The following BRI3BP variants were observed in gnomAD, a reference collection of about 807,000 sequenced individuals.
BRI3BP encodes the protein BRI3-binding protein.
A neutral mutation model predicts 15.8 loss-of-function variants in BRI3BP; 7 were observed. That is an observed-to-expected ratio of 0.44 (90% confidence interval 0.25 to 0.83). The LOEUF (loss-of-function observed/expected upper bound fraction) is 0.83. Among genes scored for constraint, BRI3BP ranks in the 40% least tolerant of loss-of-function variants. BRI3BP has a pLI of 0.20. For missense variants in BRI3BP, 320 were observed against 339.3 expected (o/e 0.94, Z 0.45); for synonymous variants, 192 against 163.5 (o/e 1.17, Z -1.33).
chr12:125,042,501 G>A, the BRI3BP span, among the ~76,000 whole-genome samples: 1 of 150,560 alleles, frequency 6.6e-6, no homozygotes, highest in Non-Finnish European at 1.5e-5. Context: ...TTTGAAATGG[G>A]ATTTTGCTGT....
At chr12:124,999,705 C>T (rs1434638512) in intron 1 of BRI3BP, among the ~76,000 whole-genome samples, 1 of 150,562 alleles carries the variant, frequency 6.6e-6, no homozygotes, top group Non-Finnish European at 1.5e-5. Flanking sequence ...GCAAGCTCCA[C>T]CTCCTGGGTT....
Position 124,993,943 on chromosome 12 carries a change from C to T in BRI3BP, c.153C>T (p.Asn51=). ...AEKNSYRRTV[N]TFSQSVSSLF... is the part of the protein sequence containing the mutation. ...AGAACAGCTACCGCCGCACGGTCAACACCTTCTCCCAGAGCGTCAGCAGCC... is the reference window on the plus strand; with the variant it reads ...AGAACAGCTACCGCCGCACGGTCAATACCTTCTCCCAGAGCGTCAGCAGCC... The change falls in exon 1 of 3, where the codon AAC becomes AAT. Residue 51 remains asparagine (N), a synonymous_variant. Transcript: ENST00000341446. 1 of 1,366,902 alleles carries T rather than the reference C, an allele frequency of 7.3e-7. No homozygotes were observed. Among genetic ancestry groups the T allele is most frequent in the Non-Finnish European group, 9.6e-7 (1 of 1,047,032 alleles). 84.7% of individuals were successfully genotyped at this position (1,366,902 alleles called of 1,614,324 possible).
At chr12:125,003,493 C>T (rs531803221) in intron 1 of BRI3BP, among the ~76,000 whole-genome samples, 36 of 152,262 alleles carry the variant, frequency 2.4e-4, no homozygotes, top group Non-Finnish European at 4.7e-4. Flanking sequence ...CCCTTGTTCA[C>T]CCAGGTCTTC....
downstream of BRI3BP, among the ~76,000 whole-genome samples, chr12:125,031,638 G>A (rs1432823222): frequency 1.4e-5 from 2 of 140,180 alleles, no homozygotes; most frequent in Admixed American, 7.6e-5. Context: ...GTGCAGTGGC[G>A]AGATCTCAGC....
At chr12:125,043,590 G>A in the BRI3BP span, among the ~76,000 whole-genome samples, 2 of 151,682 alleles carry the variant, frequency 1.3e-5, no homozygotes, top group Non-Finnish European at 2.9e-5. Context: ...GGGTGTGGTG[G>A]CGCACCCTGT....
At chr12:124,994,440 C>T (rs1339379533) in intron 1 of BRI3BP, among the ~76,000 whole-genome samples, 1 of 152,188 alleles carries the variant, frequency 6.6e-6, no homozygotes, top group African/African-American at 2.4e-5. Context: ...GACCCACTTC[C>T]CCTGGGACCT....
chr12:125,049,727 G>A, the BRI3BP span, among the ~76,000 whole-genome samples: 1 of 152,244 alleles, frequency 6.6e-6, no homozygotes, highest in South Asian at 2.1e-4. Context: ...GCGATTGGTT[G>A]GCGCTCAGGC....
chr12:125,022,565 T>C (rs1468387243), intron 2 of BRI3BP, among the ~76,000 whole-genome samples: 1 of 140,884 alleles, frequency 7.1e-6, no homozygotes, highest in Non-Finnish European at 1.6e-5. Flanking sequence ...AGCCTCACTG[T>C]GTCTCAGGTT....
intron 1 of BRI3BP, among the ~76,000 whole-genome samples, chr12:124,998,622 G>A (rs188810232): frequency 1.8e-3 from 277 of 152,184 alleles, no homozygotes; most frequent in Non-Finnish European, 2.7e-3. Flanking sequence ...AGCAATGGGG[G>A]AATTACTGCT....
intron 1 of BRI3BP, among the ~76,000 whole-genome samples, chr12:125,000,149 C>G (rs1349491874): frequency 7.3e-6 from 1 of 137,066 alleles, no homozygotes; most frequent in Non-Finnish European, 1.5e-5. Context: ...AACTTTGACA[C>G]TTTCCAGTCC....
chr12:125,014,192 G>A (rs931307188), intron 2 of BRI3BP, among the ~76,000 whole-genome samples: 17 of 152,220 alleles, frequency 1.1e-4, no homozygotes, highest in African/African-American at 3.6e-4. Context: ...AGCTGCCCCC[G>A]CTCCACTGCT....
At chr12:125,039,428 T>C in the BRI3BP span, among the ~76,000 whole-genome samples, 1 of 152,212 alleles carries the variant, frequency 6.6e-6, no homozygotes, top group South Asian at 2.1e-4. Context: ...TGAGTTGCCC[T>C]ATGCAAAGAG....
rs1204736494 is a variant in BRI3BP at position 125,028,547 on chromosome 12, G to A, written c.*3117G>A. On this transcript the variant is annotated 3_prime_UTR_variant, in exon 3 of 3. Transcript: ENST00000341446. ...TGTAGGCTCTGAAGCCAGTTTTATA[G>A]CTTGATACATTCTGGTGAAAGATGT... The A allele has an allele frequency of 6.6e-6, 1 of 151,842 alleles. No homozygotes were observed. The highest frequency in any genetic ancestry group is 1.5e-5 in the Non-Finnish European group (1 of 67,946). 9.4% of individuals were successfully genotyped at this position (151,842 alleles called of 1,614,324 possible). A position where few individuals can be genotyped will look rare whatever the true frequency, so the allele number is the denominator to read the frequency against.
At chr12:125,034,259 T>C (rs1955426958), downstream of BRI3BP, among the ~76,000 whole-genome samples, 1 of 151,816 alleles carries the variant, frequency 6.6e-6, no homozygotes, top group Non-Finnish European at 1.5e-5. Flanking sequence ...TTGGTCAGGC[T>C]GTTCTCGAAC....
Position 124,993,651 on chromosome 12 carries a change from G to T in BRI3BP, c.-140G>T, listed in dbSNP as rs1162098420. ...TTGCGCGCGGGGCGGGGCAGGTGGCGCAGCAGCGGCGGCGGCGGCTGTGGG... is the reference window on the plus strand; with the variant it reads ...TTGCGCGCGGGGCGGGGCAGGTGGCTCAGCAGCGGCGGCGGCGGCTGTGGG... On this transcript the variant is annotated 5_prime_UTR_variant, in exon 1 of 3. Transcript: ENST00000341446. The T allele has an allele frequency of 3.0e-6, 1 of 334,116 alleles. No homozygotes were observed. Among genetic ancestry groups the T allele is most frequent in the Non-Finnish European group, 4.2e-6 (1 of 237,118 alleles). The allele number at this position is 334,116 out of a possible 1,614,324, so 20.7% of individuals were successfully genotyped here.
intron 1 of BRI3BP, among the ~76,000 whole-genome samples, chr12:124,999,419 G>T (rs919734037): frequency 6.6e-6 from 1 of 151,830 alleles, no homozygotes; most frequent in Non-Finnish European, 1.5e-5. Flanking sequence ...GCACTGTTTT[G>T]TATTTTTATT....
chr12:124,998,514 A>G (rs1955058391), intron 1 of BRI3BP, among the ~76,000 whole-genome samples: 1 of 152,198 alleles, frequency 6.6e-6, no homozygotes, highest in Non-Finnish European at 1.5e-5. Context: ...GAAAGGGCAC[A>G]CATTATATGA....
the BRI3BP span, among the ~76,000 whole-genome samples, chr12:125,050,843 AAG>A: frequency 6.6e-6 from 1 of 152,088 alleles, no homozygotes; most frequent in African/African-American, 2.4e-5. Context: ...TAGTATAAAA[AAG>A]GTAAGGGACA....
chr12:125,000,441 G>A (rs914672307), intron 1 of BRI3BP, among the ~76,000 whole-genome samples: 2 of 148,946 alleles, frequency 1.3e-5, no homozygotes, highest in African/African-American at 2.5e-5. Flanking sequence ...AGCCTCCCGA[G>A]TAGCTGGGAC....
Sources: gnomAD v4.1 joint callset for allele counts (sites outside exome capture counted in the v4.1 genomes callset) on GRCh38, gnomAD v4.1.1 for gene constraint, MANE v1.5 for transcripts, NCBI Gene and HGNC (gene_info 2026-07-23, HGNC 2026-07-21) for gene names.